Variants in CNBD1 observed in about 807,000 individuals in gnomAD.
CNBD1 encodes the protein cyclic nucleotide binding domain containing 1.
In CNBD1, 71 loss-of-function variants were observed where a neutral mutation model predicts 54.4. That is an observed-to-expected ratio of 1.30 (90% confidence interval 1.08 to 1.59). The LOEUF (loss-of-function observed/expected upper bound fraction) is 1.59, where lower values mean the gene tolerates loss of function less well. Among genes scored for constraint, CNBD1 ranks in the 40% most tolerant of loss-of-function variants. The pLI is 0.00. For synonymous variants in CNBD1, 182 were observed against 170.7 expected (o/e 1.07, Z -0.51); for missense variants, 659 against 518.0 (o/e 1.27, Z -2.64).
chr8:87,004,478 CATT>C (rs2130549970), intron 4 of CNBD1, among the ~76,000 whole-genome samples: 1 of 143,024 alleles, frequency 7.0e-6, no homozygotes, highest in South Asian at 2.4e-4. Context: ...TTATATTACT[CATT>C]ATTGCACTCA....
chr8:87,422,484 C>T (rs1404093375), intron 2 of CNBD1, among the ~76,000 whole-genome samples: 4 of 151,492 alleles, frequency 2.6e-5, no homozygotes, highest in Non-Finnish European at 4.4e-5. Flanking sequence ...TTTCAGCTTT[C>T]TACATATGGC....
intron 3 of CNBD1, among the ~76,000 whole-genome samples, chr8:86,935,024 T>A (rs1809521500): frequency 6.7e-6 from 1 of 150,364 alleles, no homozygotes; most frequent in African/African-American, 2.5e-5. Flanking sequence ...TTTGTTTATT[T>A]ATTTATTTAT....
chr8:87,230,804 G>A (rs953115700), intron 5 of CNBD1, among the ~76,000 whole-genome samples: 57 of 152,108 alleles, frequency 3.7e-4, no homozygotes, highest in Admixed American at 2.9e-3. Context: ...TGCTTCTTAA[G>A]GAGTCATTTA....
downstream of CNBD1, among the ~76,000 whole-genome samples, chr8:87,386,507 G>A (rs1469553084): frequency 1.3e-5 from 2 of 152,070 alleles, no homozygotes; most frequent in Non-Finnish European, 2.9e-5. Flanking sequence ...TGGAAGAATG[G>A]GTATCAGTGA....
At chr8:87,384,455 A>G (rs1432598774), downstream of CNBD1, among the ~76,000 whole-genome samples, 2 of 152,120 alleles carry the variant, frequency 1.3e-5, no homozygotes, top group African/African-American at 4.8e-5. Context: ...GAAAAAGCAG[A>G]TCAGAAATTA....
rs189490305 is a variant in CNBD1 at position 87,019,121 on chromosome 8, G to C, written c.431+79367G>C. Among the ~76,000 whole-genome samples the C allele has an allele frequency of 1.3e-3, 203 of 152,014 alleles. 1 individual carries two copies. Among genetic ancestry groups the C allele is most frequent in the African/African-American group, 4.7e-3 (195 of 41,386 alleles). On this transcript the variant is annotated intron_variant, in intron 4 of 10. Transcript: ENST00000518476. ...TCAGAACAGTGCTTATGTTTGTATG[G>C]CTAATTGCTGTAAGTCTGTAACAAA...
At chr8:86,880,529 A>G (rs1467758213) in intron 1 of CNBD1, among the ~76,000 whole-genome samples, 2 of 152,142 alleles carry the variant, frequency 1.3e-5, no homozygotes, top group South Asian at 2.1e-4. Context: ...TTGAGCATCT[A>G]TGGATTTTTG....
At chr8:86,894,529 TA>T (rs1187776122) in intron 2 of CNBD1, among the ~76,000 whole-genome samples, 1 of 152,222 alleles carries the variant, frequency 6.6e-6, no homozygotes, top group Non-Finnish European at 1.5e-5. Context: ...TACTATTAAC[TA>T]AAGCCCATTT....
At chr8:87,266,436 A>AAAC (rs71503464) in intron 6 of CNBD1, among the ~76,000 whole-genome samples, 1 of 76,222 alleles carries the variant, frequency 1.3e-5, no homozygotes, top group Non-Finnish European at 3.1e-5. Context: ...AAAAAAAAAA[A>AAAC]TCTTTTTTTT....
chr8:87,365,062 T>A (rs1403295759), intron 10 of CNBD1, among the ~76,000 whole-genome samples: 2 of 152,042 alleles, frequency 1.3e-5, no homozygotes, highest in African/African-American at 2.4e-5. Flanking sequence ...TTTGAGGGGT[T>A]GCCACACTGC....
At position 87,328,247 on chromosome 8, in the gene CNBD1, G is replaced by T. The variant is rs189440188; in HGVS notation, c.1043-23438G>T. ...CTGAAGAGGCTATATTTCCTTCATT[G>T]TTTATTTTTGGCACCCTTGTCAAGA... On this transcript the variant is annotated intron_variant, in intron 8 of 10. Coordinates refer to ENST00000518476, the MANE Select transcript of CNBD1 (RefSeq NM_173538.3). 3.8e-4 allele frequency among the ~76,000 whole-genome samples: 58 copies of T among 151,942 alleles called. 1 individual carries two copies. Among genetic ancestry groups the T allele is most frequent in the Admixed American group, 2.6e-4 (4 of 15,254 alleles).
At chr8:87,231,688 A>G (rs547365784) in intron 5 of CNBD1, among the ~76,000 whole-genome samples, 2 of 152,276 alleles carry the variant, frequency 1.3e-5, no homozygotes, top group Admixed American at 1.3e-4. Flanking sequence ...TTTAATTGAC[A>G]TATCATAGCA....
chr8:86,870,320 C>T (rs1808425304), intron 1 of CNBD1, among the ~76,000 whole-genome samples: 1 of 151,378 alleles, frequency 6.6e-6, no homozygotes, highest in Non-Finnish European at 1.5e-5. Flanking sequence ...TCCTGAATAT[C>T]TGGGACTACA....
At chr8:87,023,229 C>T (rs1218734854) in intron 4 of CNBD1, among the ~76,000 whole-genome samples, 1 of 152,094 alleles carries the variant, frequency 6.6e-6, no homozygotes, top group East Asian at 1.9e-4. Flanking sequence ...GAAAAATACA[C>T]ACACATTGCT....
chr8:87,228,965 G>A (rs186746120), intron 5 of CNBD1, among the ~76,000 whole-genome samples: 8 of 152,284 alleles, frequency 5.3e-5, no homozygotes, highest in South Asian at 2.1e-4. Flanking sequence ...TAAGCCCGTC[G>A]GAAAAGCGCG....
At chr8:87,223,714 G>A (rs1258898507) in intron 5 of CNBD1, among the ~76,000 whole-genome samples, 3 of 151,952 alleles carry the variant, frequency 2.0e-5, no homozygotes, top group African/African-American at 7.3e-5. Flanking sequence ...GTGTGCATGT[G>A]TCTTTATAGC....
chr8:87,189,380 A>G (rs1813550563), intron 4 of CNBD1, among the ~76,000 whole-genome samples: 1 of 151,732 alleles, frequency 6.6e-6, no homozygotes, highest in Non-Finnish European at 1.5e-5. Context: ...TTATGACCCA[A>G]CCCCCCTTTA....
chr8:87,056,896 G>A (rs1563452206), intron 4 of CNBD1, among the ~76,000 whole-genome samples: 1 of 152,128 alleles, frequency 6.6e-6, no homozygotes. Context: ...CAACTATTTG[G>A]TAGGTGGAAT....
chr8:87,008,857 G>A (rs1484230617), intron 4 of CNBD1, among the ~76,000 whole-genome samples: 1 of 151,698 alleles, frequency 6.6e-6, no homozygotes, highest in Non-Finnish European at 1.5e-5. Context: ...AGTTTGCTTG[G>A]GTACAAAAAA....
Sources: allele counts gnomAD v4.1 joint callset (sites outside exome capture counted in the v4.1 genomes callset), GRCh38; gene constraint gnomAD v4.1.1; transcripts MANE v1.5; gene names NCBI Gene and HGNC (gene_info 2026-07-23, HGNC 2026-07-21).